MTAP: variants seen among roughly 807,000 people sequenced by gnomAD.
The protein encoded by MTAP is S-methyl-5'-thioadenosine phosphorylase.
Under a neutral mutation model 33.6 loss-of-function variants are expected in MTAP, and 33 were observed. That is an observed-to-expected ratio of 0.98 (90% CI 0.74 to 1.31). The LOEUF is 1.31. MTAP is among the 40% of genes most tolerant of loss of function. The probability of loss-of-function intolerance (pLI) is 0.00; values close to 1 mark genes in which losing one functional copy is unlikely to be tolerated. For missense variants in MTAP, 367 were observed against 360.0 expected (o/e 1.02, Z -0.16); for synonymous variants, 148 against 125.7 (o/e 1.18, Z -1.19).
chr9:21,824,006 G>A (rs569834521), intron 4 of MTAP, among the ~76,000 whole-genome samples: 50 of 152,202 alleles, frequency 3.3e-4, no homozygotes, highest in Non-Finnish European at 5.6e-4. Context: ...TTAGCCATTC[G>A]TCTAATCTTT....
chr9:21,853,898 T>C lies in MTAP; in HGVS notation c.451-733T>C, dbSNP rs142957713. On this transcript the variant is annotated intron_variant, in intron 5 of 7. Coordinates refer to ENST00000644715, the MANE Select transcript of MTAP (RefSeq NM_002451.4). The stretch of plus-strand genomic sequence containing the variant: ...CTTTTTTTTAATTAAAAGGGAATAT[T>C]GAATAAGCTAAGAAAAAATGAAGGT... 4.0e-3 allele frequency among the ~76,000 whole-genome samples: 603 copies of C among 152,250 alleles called. 3 individuals are homozygous for C. The highest frequency in any genetic ancestry group is 0.014 in the African/African-American group (579 of 41,550).
intron 6 of MTAP, among the ~76,000 whole-genome samples, chr9:21,856,896 G>A (rs555454776): frequency 1.6e-4 from 24 of 152,318 alleles, no homozygotes; most frequent in African/African-American, 5.5e-4. Context: ...TTACTCTTCT[G>A]TAGAATGAAG....
chr9:21,822,950 C>T (rs59989941), intron 4 of MTAP, among the ~76,000 whole-genome samples: 176 of 152,254 alleles, frequency 1.2e-3, no homozygotes, highest in African/African-American at 4.0e-3. Context: ...AGGATTGCAA[C>T]GACTGCCTTT....
rs1467934631 is a variant in MTAP at position 21,864,120 on chromosome 9, T to A, written c.*2106T>A. ...AAAAGTATGGGCATTTTTCTTGCTATGTTCAGAAAGTACAGTTCTCTCCAA... is the reference window on the plus strand; with the variant it reads ...AAAAGTATGGGCATTTTTCTTGCTAAGTTCAGAAAGTACAGTTCTCTCCAA... On this transcript the variant is annotated 3_prime_UTR_variant, in exon 8 of 8. Coordinates refer to ENST00000644715, the MANE Select transcript of MTAP (RefSeq NM_002451.4). 5.1e-6 allele frequency: 5 copies of A among 985,356 alleles called. No individual in the cohort carries two copies. The highest frequency in any genetic ancestry group is 6.0e-6 in the Non-Finnish European group (5 of 829,958). 61.0% of individuals were successfully genotyped at this position (985,356 alleles called of 1,614,324 possible). A position where few individuals can be genotyped will look rare whatever the true frequency, so the allele number is the denominator to read the frequency against.
chr9:21,826,641 T>C (rs1244170268), intron 4 of MTAP, among the ~76,000 whole-genome samples: 1 of 147,540 alleles, frequency 6.8e-6, no homozygotes, highest in Non-Finnish European at 1.5e-5. Context: ...TTATTATTAT[T>C]ATTATTATTT....
At chr9:21,919,407 G>T (rs1320088000) in intron 1 of MTAP, among the ~76,000 whole-genome samples, 3 of 152,134 alleles carry the variant, frequency 2.0e-5, no homozygotes, top group Admixed American at 6.5e-5. Flanking sequence ...CTGCTTTAAG[G>T]CTCTTGCATT....
intron 1 of MTAP, among the ~76,000 whole-genome samples, chr9:21,911,958 G>A (rs1818585296): frequency 3.9e-5 from 6 of 152,128 alleles, no homozygotes; most frequent in Admixed American, 2.0e-4. Flanking sequence ...TATCAAGACC[G>A]ATCCCACAGA....
At chr9:21,844,351 A>T (rs550148575) in intron 5 of MTAP, among the ~76,000 whole-genome samples, 2 of 152,330 alleles carry the variant, frequency 1.3e-5, no homozygotes, top group South Asian at 4.1e-4. Flanking sequence ...AAGACAGAGA[A>T]AGCAGGAATC....
chr9:21,806,179 C>G (rs894723393), intron 1 of MTAP, among the ~76,000 whole-genome samples: 3 of 151,954 alleles, frequency 2.0e-5, no homozygotes, highest in African/African-American at 7.3e-5. Context: ...AGGGGAAGAG[C>G]TAAGAGATCA....
intron 1 of MTAP, among the ~76,000 whole-genome samples, chr9:21,924,506 C>T (rs1818836243): frequency 6.6e-6 from 1 of 152,158 alleles, no homozygotes; most frequent in African/African-American, 2.4e-5. Context: ...GACAGAAATC[C>T]CCTATGTACA....
intron 1 of MTAP, among the ~76,000 whole-genome samples, chr9:21,876,503 T>C (rs1445057773): frequency 6.6e-6 from 1 of 152,132 alleles, no homozygotes; most frequent in Non-Finnish European, 1.5e-5. Context: ...TAGTTTGGAG[T>C]TATACATTTA....
chr9:21,816,868 A>G (rs1457040640), intron 3 of MTAP, 96 bp downstream of exon 3: 2 of 1,003,250 alleles, frequency 2.0e-6, no homozygotes, highest in Non-Finnish European at 2.9e-6. Context: ...CTGAGCTTTT[A>G]TATGTTGGCA....
rs1370248666 is a variant in MTAP, at chr9:21,854,847, T to C, written c.667T>C (p.Cys223Arg). 3.1e-6 allele frequency: 5 copies of C among 1,614,012 alleles called. No homozygotes were observed. Among genetic ancestry groups the C allele is most frequent in the Non-Finnish European group, 4.2e-6 (5 of 1,179,974 alleles). ...TATCGCCATGGCGACAGATTATGAC[T>C]GCTGGAAGGAGCACGAGGAAGCAGT... ...ASIAMATDYD[C>R]WKEHEEAVSV... The change falls in exon 6 of 8, where the codon TGC (cysteine) becomes CGC (arginine). Residue 223 changes from cysteine (C) to arginine (R), a missense_variant. Coordinates refer to ENST00000644715, the MANE Select transcript of MTAP (RefSeq NM_002451.4).
chr9:21,914,580 A>G (rs985430090), intron 1 of MTAP, among the ~76,000 whole-genome samples: 1 of 142,656 alleles, frequency 7.0e-6, no homozygotes, highest in Non-Finnish European at 1.5e-5. Context: ...GAATTGAGCA[A>G]TGACAACTCT....
chr9:21,892,475 T>C (rs1283363886), intron 1 of MTAP: 1 of 152,174 alleles, frequency 6.6e-6, no homozygotes, highest in Non-Finnish European at 1.5e-5. Context: ...GTTGCTATTC[T>C]TATTTCAGAC....
intron 4 of MTAP, among the ~76,000 whole-genome samples, chr9:21,822,724 G>A (rs1249984236): frequency 6.6e-6 from 1 of 152,194 alleles, no homozygotes; most frequent in Non-Finnish European, 1.5e-5. Flanking sequence ...AATGTTGACA[G>A]TGGGGTGTTA....
intron 1 of MTAP, among the ~76,000 whole-genome samples, chr9:21,929,163 G>A (rs1224871778): frequency 6.6e-6 from 1 of 151,938 alleles, no homozygotes; most frequent in Admixed American, 6.6e-5. Context: ...ATCATGCCTG[G>A]GTGAAGTCAT....
At chr9:21,854,059 A>T (rs540663543) in intron 5 of MTAP, among the ~76,000 whole-genome samples, 1 of 152,236 alleles carries the variant, frequency 6.6e-6, no homozygotes, top group Non-Finnish European at 1.5e-5. Flanking sequence ...ATCCCTGTGA[A>T]CAGAAAAACA....
intron 1 of MTAP, among the ~76,000 whole-genome samples, chr9:21,917,752 A>C (rs181509106): frequency 7.2e-5 from 11 of 152,312 alleles, no homozygotes; most frequent in Non-Finnish European, 1.6e-4. Flanking sequence ...TATCTACCCA[A>C]AGGAAAAGAA....
Sources: allele counts gnomAD v4.1 joint callset (sites outside exome capture counted in the v4.1 genomes callset), GRCh38; gene constraint gnomAD v4.1.1; transcripts MANE v1.5; gene names NCBI Gene and HGNC (gene_info 2026-07-23, HGNC 2026-07-21).